DNAH8: variants seen among roughly 807,000 people sequenced by gnomAD.
The protein encoded by DNAH8 is axonemal beta dynein heavy chain 8.
In DNAH8, 382 loss-of-function variants were observed where a neutral mutation model predicts 562.1. The observed-to-expected ratio is 0.68, with a 90% CI of 0.63 to 0.74. The LOEUF is 0.74. Ranked by LOEUF, DNAH8 falls within the 30% of genes least tolerant of loss-of-function variation. The pLI is 0.00. For synonymous variants in DNAH8, 1,881 were observed against 1,919.4 expected, an observed-to-expected ratio of 0.98 and a Z score of 0.52; for missense variants, 5,203 against 5,620.4, an observed-to-expected ratio of 0.93 and a Z score of 2.37.
At chr6:38,953,351 C>G (rs180905332) in intron 82 of DNAH8, among the ~76,000 whole-genome samples, 255 of 152,266 alleles carry the variant, frequency 1.7e-3, no homozygotes, top group Middle Eastern at 3.4e-3. Flanking sequence ...GTTACCATTT[C>G]AAATGTTGTA....
intron 22 of DNAH8, among the ~76,000 whole-genome samples, chr6:38,804,990 C>T (rs1348649211): frequency 1.3e-5 from 2 of 152,042 alleles, no homozygotes; most frequent in African/African-American, 2.4e-5. Context: ...AAACATCCTA[C>T]AGGACAGCCC....
At chr6:38,890,835 T>G in intron 58 of DNAH8, 74 bp downstream of exon 58, 1 of 995,198 alleles carries the variant, frequency 1.0e-6, no homozygotes, top group Non-Finnish European at 1.6e-6. Context: ...CGTGGCTCAT[T>G]AAGTTATCAT....
At position 38,938,054 on chromosome 6, in the gene DNAH8, C is replaced by T; in HGVS notation, c.11644C>T (p.His3882Tyr). ...QTAAEVSEKL[H>Y]VAAETEIKIN... ...AGCAGCTGAGGTAAGTGAAAAGTTG[C>T]ATGTGGCTGCAGAAACTGAGATCAA... Residue 3882 changes from histidine (H) to tyrosine (Y), a missense_variant, in exon 78 of 93, where the codon CAT (histidine) becomes TAT (tyrosine). Around this residue, in one of 6 missense-constraint regions of DNAH8, gnomAD observed 1,399 missense variants for 1,518.4 expected, o/e 0.92. Transcript: ENST00000327475. 1 of 1,614,056 alleles carries T rather than the reference C, an allele frequency of 6.2e-7. No individual in the cohort carries two copies.
At chr6:38,800,620 G>A (rs868845331) in intron 21 of DNAH8, among the ~76,000 whole-genome samples, 5 of 152,078 alleles carry the variant, frequency 3.3e-5, no homozygotes, top group African/African-American at 7.2e-5. Context: ...GGGTTCAAGC[G>A]ATTCTCCTGC....
Position 38,913,993 on chromosome 6 carries a change from T to C in DNAH8, c.9963+41T>C, listed in dbSNP as rs764380196. 11 of 1,473,152 alleles carry C rather than the reference T, an allele frequency of 7.5e-6. No homozygotes were observed. The South Asian group carries it at 1.3e-4, about 17-fold the overall frequency. 91.3% of individuals were successfully genotyped at this position (1,473,152 alleles called of 1,614,324 possible). A position where few individuals can be genotyped will look rare whatever the true frequency, so the allele number is the denominator to read the frequency against. On this transcript the variant is annotated intron_variant, in intron 67 of 92. Coordinates refer to ENST00000327475, the MANE Select transcript of DNAH8 (RefSeq NM_001206927.2). ...TTTTATCACTGATGAGGAATATTTT[T>C]CCATATTAAAATGCATTGTTTTAAA...
chr6:38,850,117 T>C, intron 37 of DNAH8, 134 bp from the exon 38 acceptor site: 1 of 685,182 alleles, frequency 1.5e-6, no homozygotes, highest in Non-Finnish European at 2.3e-6. Context: ...TGAAAAAAAA[T>C]TGTCTGTTTA....
intron 82 of DNAH8, among the ~76,000 whole-genome samples, chr6:38,966,852 G>T (rs1192487507): frequency 1.3e-5 from 2 of 152,164 alleles, no homozygotes; most frequent in Non-Finnish European, 2.9e-5. Flanking sequence ...GAGAGTCCAA[G>T]ATCAAGACCT....
chr6:38,948,730 C>T (rs1362221254), intron 80 of DNAH8, among the ~76,000 whole-genome samples: 1 of 152,146 alleles, frequency 6.6e-6, no homozygotes, highest in Non-Finnish European at 1.5e-5. Flanking sequence ...AGTTTTCGTA[C>T]TTAGTCTTGA....
chr6:38,784,263 A>G (rs1225214562), intron 17 of DNAH8, among the ~76,000 whole-genome samples: 1 of 152,200 alleles, frequency 6.6e-6, no homozygotes, highest in Non-Finnish European at 1.5e-5. Flanking sequence ...AGAGGAGCTT[A>G]AAACTCAGAC....
At chr6:39,019,033 A>G (rs1367211282) in intron 91 of DNAH8, among the ~76,000 whole-genome samples, 1 of 152,172 alleles carries the variant, frequency 6.6e-6, no homozygotes, top group Non-Finnish European at 1.5e-5. Flanking sequence ...GAGTAGGTAT[A>G]AGAATAAAAA....
chr6:39,019,466 G>C (rs979956430), intron 91 of DNAH8, among the ~76,000 whole-genome samples: 1 of 152,180 alleles, frequency 6.6e-6, no homozygotes, highest in African/African-American at 2.4e-5. Flanking sequence ...GGGCAGATGA[G>C]GGGGACAGGG....
intron 48 of DNAH8, among the ~76,000 whole-genome samples, chr6:38,870,119 A>G (rs965266900): frequency 3.9e-5 from 6 of 152,184 alleles, no homozygotes; most frequent in Non-Finnish European, 7.3e-5. Context: ...TCATAAGAAC[A>G]GCAGGGAAAG....
intron 88 of DNAH8, among the ~76,000 whole-genome samples, chr6:39,000,505 G>A (rs9380820): frequency 6.6e-6 from 1 of 151,996 alleles, no homozygotes; most frequent in African/African-American, 2.4e-5. Context: ...GATCAGTGGC[G>A]GCATTAGATT....
At chr6:38,782,160 G>T (rs1343236356) in intron 16 of DNAH8, among the ~76,000 whole-genome samples, 5 of 151,960 alleles carry the variant, frequency 3.3e-5, no homozygotes, top group African/African-American at 1.2e-4. Context: ...TCCCTACTCG[G>T]GGGACTCAGT....
At position 38,737,093 on chromosome 6, in the gene DNAH8, G is replaced by T; in HGVS notation, c.789G>T (p.Ala263=). 1 of 1,565,904 alleles carries T rather than the reference G, an allele frequency of 6.4e-7. No homozygotes were observed. The highest frequency in any genetic ancestry group is 8.6e-7 in the Non-Finnish European group (1 of 1,162,422). Residue 263 remains alanine (A), a synonymous_variant, in exon 6 of 93, where the codon GCG becomes GCT. Transcript: ENST00000327475. The part of the protein sequence containing the change: ...QEEALFTVLD[A]SKGLLNGIRD... ...AAGCGCTCTTTACTGTTCTGGATGC[G>T]TCGAAAGGACTCTTAAATGGAATTA...
chr6:38,800,634 A>G (rs1337094005), intron 21 of DNAH8, among the ~76,000 whole-genome samples: 1 of 152,152 alleles, frequency 6.6e-6, no homozygotes, highest in Non-Finnish European at 1.5e-5. Flanking sequence ...CTCCTGCCTC[A>G]GCCTACCAAG....
intron 58 of DNAH8, among the ~76,000 whole-genome samples, chr6:38,892,570 C>T (rs1200961327): frequency 6.6e-6 from 1 of 152,128 alleles, no homozygotes; most frequent in African/African-American, 2.4e-5. Context: ...CTGAACCTTC[C>T]TCACCATCCC....
At chr6:38,941,233 T>A (rs1783432921) in intron 79 of DNAH8, among the ~76,000 whole-genome samples, 1 of 152,002 alleles carries the variant, frequency 6.6e-6, no homozygotes, top group African/African-American at 2.4e-5. Flanking sequence ...AGGGAAAAAA[T>A]GTGGAGTATT....
intron 21 of DNAH8, among the ~76,000 whole-genome samples, chr6:38,795,796 A>G (rs1770199124): frequency 6.6e-6 from 1 of 152,290 alleles, no homozygotes; most frequent in East Asian, 1.9e-4. Context: ...CCTGACTGCA[A>G]TCAGTTTTGG....
Sources: gnomAD v4.1 joint callset for allele counts (sites outside exome capture counted in the v4.1 genomes callset) on GRCh38, gnomAD v4.1.1 for gene constraint, gnomAD v4.1.1 regional missense constraint, MANE v1.5 for transcripts, NCBI Gene and HGNC (gene_info 2026-07-23, HGNC 2026-07-21) for gene names.